Variants in VPS41 observed in about 807,000 individuals in gnomAD.
VPS41 encodes VPS41 subunit of HOPS complex.
A neutral mutation model predicts 130.9 loss-of-function variants in VPS41; 85 were observed. The observed-to-expected ratio is 0.65, with a 90% CI of 0.55 to 0.78. The LOEUF is 0.78. VPS41 is among the 30% of genes least tolerant of loss of function. The pLI is 0.00. For missense variants in VPS41, 874 were observed against 1,018.7 expected (o/e 0.86, Z 1.93); for synonymous variants, 335 against 332.9 (o/e 1.01, Z -0.07).
intron 1 of VPS41, among the ~76,000 whole-genome samples, chr7:38,899,073 G>A (rs1260142449): frequency 6.6e-6 from 1 of 152,188 alleles, no homozygotes; most frequent in African/African-American, 2.4e-5. Context: ...CGGGATAAAT[G>A]TAAATCTAGT....
At chr7:38,808,796 C>A (rs1784885154) in intron 7 of VPS41, among the ~76,000 whole-genome samples, 1 of 152,126 alleles carries the variant, frequency 6.6e-6, no homozygotes, top group African/African-American at 2.4e-5. Context: ...CAGCTCCAAT[C>A]TGACCCAAAG....
At chr7:38,796,523 T>C (rs1676886034) in intron 8 of VPS41, 5 of 674,296 alleles carry the variant, frequency 7.4e-6, no homozygotes, top group Non-Finnish European at 1.3e-5. Flanking sequence ...TCAGGTTTCT[T>C]ACTCTAAAAT....
At chr7:38,893,213 C>T (rs773646777) in intron 2 of VPS41, among the ~76,000 whole-genome samples, 1 of 152,228 alleles carries the variant, frequency 6.6e-6, no homozygotes, top group Non-Finnish European at 1.5e-5. Flanking sequence ...TACACTACAG[C>T]CACATTGAGT....
Position 38,756,854 on chromosome 7 carries a change from A to G in VPS41, c.1679T>C (p.Met560Thr). Residue 560 changes from methionine (M) to threonine (T), a missense_variant, in exon 19 of 29, where the codon ATG becomes ACG. Transcript: ENST00000310301. ...GCACATTACCTCTGAATCAAAATCC[A>G]TTAATAAAACAATTTTATCCTTGAT... is the stretch of plus-strand genomic sequence containing the variant. ...SSIKDKIVLL[M>T]DFDSEKAVDM... 6.3e-7 allele frequency: 1 copy of G among 1,576,418 alleles called. No homozygotes were observed.
intron 5 of VPS41, among the ~76,000 whole-genome samples, chr7:38,823,154 T>C (rs1371987573): frequency 6.6e-6 from 1 of 152,212 alleles, no homozygotes. Context: ...GATTAAATTA[T>C]GAAGGTGGAG....
intron 8 of VPS41, chr7:38,796,480 T>C (rs780986799): frequency 1.1e-5 from 6 of 563,324 alleles, no homozygotes; most frequent in South Asian, 3.0e-5. Flanking sequence ...ATTATTAAGA[T>C]AGCTTTTCAT....
At chr7:38,876,689 C>T (rs1308829820) in intron 2 of VPS41, among the ~76,000 whole-genome samples, 1 of 150,524 alleles carries the variant, frequency 6.6e-6, no homozygotes, top group African/African-American at 2.4e-5. Flanking sequence ...CCGTAACACA[C>T]TAACCAGAAA....
intron 17 of VPS41, among the ~76,000 whole-genome samples, chr7:38,762,118 C>T (rs754861460): frequency 6.6e-6 from 1 of 152,094 alleles, no homozygotes; most frequent in Non-Finnish European, 1.5e-5. Flanking sequence ...GATGACCCCA[C>T]CATAAACTGA....
At chr7:38,820,286 A>G (rs576458420) in intron 6 of VPS41, among the ~76,000 whole-genome samples, 16 of 152,228 alleles carry the variant, frequency 1.1e-4, no homozygotes, top group South Asian at 4.2e-4. Context: ...TTTGTCCCCA[A>G]TCACTCTCCT....
At position 38,789,731 on chromosome 7, in the gene VPS41, G is replaced by A; in HGVS notation, c.784+70C>T. On this transcript the variant is annotated intron_variant, in intron 10 of 28. Transcript: ENST00000310301. ...CAGGCAAAAGACTATGGCAGTCTGG[G>A]TGAGATTAATGAAGACGAAAATTTT... 2.7e-6 allele frequency: 4 copies of A among 1,499,464 alleles called. No homozygotes were observed. The South Asian group carries it at 3.4e-5, about 13-fold the overall frequency. 92.9% of individuals were successfully genotyped at this position (1,499,464 alleles called of 1,614,324 possible).
intron 1 of VPS41, among the ~76,000 whole-genome samples, chr7:38,899,032 A>T (rs1031387126): frequency 6.6e-6 from 1 of 152,228 alleles, no homozygotes; most frequent in Admixed American, 6.5e-5. Context: ...AGGAAGATCG[A>T]TGCATATATT....
rs1584358119 is a variant in VPS41 at position 38,728,336 on chromosome 7, C to T, written c.2404+206G>A. Reference sequence around the variant, plus strand: ...CAATAAGCCTGCCAGGTGACGATGACTCACCCTAGAGCTTGAGAACCTCAG... The same window carrying T: ...CAATAAGCCTGCCAGGTGACGATGATTCACCCTAGAGCTTGAGAACCTCAG... On this transcript the variant is annotated intron_variant, in intron 27 of 28. Coordinates refer to ENST00000310301, the MANE Select transcript of VPS41 (RefSeq NM_014396.4). 4.2e-6 allele frequency: 3 copies of T among 713,256 alleles called. No homozygotes were observed. In the Admixed American group the frequency reaches 6.1e-5, roughly 15 times the overall value. The allele number at this position is 713,256 out of a possible 1,614,324, so 44.2% of individuals were successfully genotyped here.
intron 3 of VPS41, among the ~76,000 whole-genome samples, chr7:38,866,364 A>C (rs1173537213): frequency 6.6e-6 from 1 of 152,230 alleles, no homozygotes; most frequent in African/African-American, 2.4e-5. Flanking sequence ...TTAGAGGCAC[A>C]AGAGATTCTT....
chr7:38,830,309 T>C lies in VPS41; in HGVS notation c.266A>G (p.Gln89Arg). Residue 89 changes from glutamine to arginine, a missense_variant, in exon 5 of 29, where the codon CAG (glutamine) becomes CGG (arginine). Physicochemically the swap from Gln to Arg is conservative, Grantham distance 43. Transcript: ENST00000310301. The stretch of plus-strand genomic sequence containing the variant: ...CTCTCCACTTTCATCCAAGCTAATC[T>C]GATTTATCTTCACAGGACTCTAAAA... ...KFDVSPVKIN[Q>R]ISLDESGEHM... The C allele has an allele frequency of 6.2e-7, 1 of 1,611,446 alleles. No individual in the cohort carries two copies. Among genetic ancestry groups the C allele is most frequent in the Non-Finnish European group, 8.5e-7 (1 of 1,177,520 alleles).
In VPS41 at chr7:38,774,105, T is replaced by C. The variant is rs374070074; in HGVS notation, c.1012+10A>G. On this transcript the variant is annotated intron_variant, in intron 12 of 28. Transcript: ENST00000310301. Reference sequence around the variant, plus strand: ...AAAAGCATATCAGCCAGATCTTTCATATCTCCTACCTAAATGATAATCTCT... The same window carrying C: ...AAAAGCATATCAGCCAGATCTTTCACATCTCCTACCTAAATGATAATCTCT... 42 of 1,587,254 alleles carry C rather than the reference T, an allele frequency of 2.6e-5. No homozygotes were observed. The African/African-American group carries it at 4.7e-4, about 18-fold the overall frequency.
intron 2 of VPS41, among the ~76,000 whole-genome samples, chr7:38,876,281 T>C (rs1023251295): frequency 1.3e-5 from 2 of 152,246 alleles, no homozygotes; most frequent in African/African-American, 2.4e-5. Flanking sequence ...CATTAAAATC[T>C]GTTTTCAAAG....
chr7:38,771,946 A>G (rs979615319), intron 13 of VPS41, among the ~76,000 whole-genome samples: 2 of 152,180 alleles, frequency 1.3e-5, no homozygotes, highest in African/African-American at 4.8e-5. Flanking sequence ...TAGTACAACA[A>G]ATACGTAGAC....
At chr7:38,864,035 T>A (rs1786175917) in intron 3 of VPS41, among the ~76,000 whole-genome samples, 1 of 152,178 alleles carries the variant, frequency 6.6e-6, no homozygotes, top group South Asian at 2.1e-4. Context: ...AAACACCACA[T>A]ACGATAAGAA....
chr7:38,745,261 T>A (rs917213797), intron 23 of VPS41, among the ~76,000 whole-genome samples: 2 of 152,246 alleles, frequency 1.3e-5, no homozygotes, highest in East Asian at 3.8e-4. Context: ...TTATAATTTT[T>A]TAGAAAATGA....
Sources: allele counts gnomAD v4.1 joint callset (sites outside exome capture counted in the v4.1 genomes callset), GRCh38; gene constraint gnomAD v4.1.1; transcripts MANE v1.5; gene names NCBI Gene and HGNC (gene_info 2026-07-23, HGNC 2026-07-21).